The following OPCML variants were observed in gnomAD, a reference collection of about 807,000 sequenced individuals.
OPCML encodes opioid binding protein/cell adhesion molecule like.
A neutral mutation model predicts 37.8 loss-of-function variants in OPCML; 13 were observed. The observed-to-expected ratio is 0.34, with a 90% CI of 0.22 to 0.55. OPCML has a LOEUF of 0.55. Among genes scored for constraint, OPCML ranks in the 20% least tolerant of loss-of-function variants. The probability of loss-of-function intolerance (pLI) is 0.91; values close to 1 mark genes in which losing one functional copy is unlikely to be tolerated. For missense variants in OPCML, 341 were observed against 435.6 expected, an observed-to-expected ratio of 0.78 and a Z score of 1.93; for synonymous variants, 176 against 168.8, an observed-to-expected ratio of 1.04 and a Z score of -0.33.
chr11:133,439,625 G>A (rs1234699653), intron 1 of OPCML, among the ~76,000 whole-genome samples: 4 of 152,014 alleles, frequency 2.6e-5, no homozygotes, highest in East Asian at 1.9e-4. Context: ...CCGCCACCAT[G>A]CCCGGCTAAT....
At chr11:133,061,385 C>T (rs1948338517) in intron 1 of OPCML, among the ~76,000 whole-genome samples, 3 of 152,174 alleles carry the variant, frequency 2.0e-5, no homozygotes, top group Non-Finnish European at 2.9e-5. Context: ...GTTTTGCTTC[C>T]TCACATCTGG....
At chr11:133,468,755 C>A (rs183645681) in intron 1 of OPCML, among the ~76,000 whole-genome samples, 7 of 152,322 alleles carry the variant, frequency 4.6e-5, no homozygotes, top group Admixed American at 4.6e-4. Context: ...ACACTCTGTT[C>A]ATTTCTCCCC....
chr11:132,631,554 G>C (rs887124234), intron 3 of OPCML, among the ~76,000 whole-genome samples: 1 of 151,018 alleles, frequency 6.6e-6, no homozygotes, highest in African/African-American at 2.4e-5. Flanking sequence ...CCGCCTCCCG[G>C]GTTCACGCCA....
At chr11:133,115,541 T>C (rs532042925) in intron 1 of OPCML, among the ~76,000 whole-genome samples, 107 of 152,180 alleles carry the variant, frequency 7.0e-4, no homozygotes, top group Non-Finnish European at 1.2e-3. Context: ...GGCAGAGCTA[T>C]ATAACACTCA....
intron 4 of OPCML, among the ~76,000 whole-genome samples, chr11:132,441,125 T>A (rs1031922470): frequency 2.0e-5 from 3 of 150,986 alleles, no homozygotes; most frequent in African/African-American, 7.3e-5. Flanking sequence ...CTGTGAGCCA[T>A]TGGAAAGATT....
At chr11:133,182,855 C>T (rs1420847552) in intron 1 of OPCML, among the ~76,000 whole-genome samples, 2 of 152,178 alleles carry the variant, frequency 1.3e-5, no homozygotes, top group East Asian at 1.9e-4. Context: ...GTCATAGATG[C>T]CTGTTCTCTC....
intron 1 of OPCML, among the ~76,000 whole-genome samples, chr11:132,982,931 G>A (rs1055107104): frequency 2.0e-5 from 3 of 152,192 alleles, no homozygotes; most frequent in Non-Finnish European, 4.4e-5. Flanking sequence ...AAATCACAGA[G>A]TTGATACTCC....
rs189042493 is a variant in OPCML at position 133,174,721 on chromosome 11, T to C, written c.62-231711A>G. Among the ~76,000 whole-genome samples, 82 of 151,954 alleles carry C rather than the reference T, an allele frequency of 5.4e-4. 4 individuals are homozygous for C. The East Asian group carries it at 7.7e-3, about 14-fold the overall frequency. Reference sequence around the variant, plus strand: ...TTTCTTGTCTCCTGAAAAATAAATTTATGTTTGCCTATCTATATTTTCATC... The same window carrying C: ...TTTCTTGTCTCCTGAAAAATAAATTCATGTTTGCCTATCTATATTTTCATC... On this transcript the variant is annotated intron_variant, in intron 1 of 7. Coordinates refer to ENST00000524381, the MANE Select transcript of OPCML (RefSeq NM_001012393.5). The surrounding 1 kb of genome is among the most constrained non-coding windows in gnomAD (Gnocchi z 4.6).
chr11:133,005,940 T>C (rs1439431383), intron 1 of OPCML: 3 of 985,428 alleles, frequency 3.0e-6, no homozygotes, highest in Non-Finnish European at 3.6e-6. Flanking sequence ...TTTAGGCTCA[T>C]GGATGTGTGC....
At chr11:133,377,612 G>GGAAAAAAAAAAAAA (rs1555148303) in intron 1 of OPCML, among the ~76,000 whole-genome samples, 1 of 79,088 alleles carries the variant, frequency 1.3e-5, no homozygotes, top group Non-Finnish European at 2.3e-5. Context: ...CCAGTATTCA[G>GGAAAAAAAAAAAAA]AAAAAAAAAA....
At chr11:132,842,206 G>A (rs1248590788) in intron 2 of OPCML, among the ~76,000 whole-genome samples, 6 of 152,088 alleles carry the variant, frequency 3.9e-5, no homozygotes, top group South Asian at 2.1e-4. Flanking sequence ...CCCCAACACC[G>A]ATGTAGCCAC....
At chr11:132,590,118 A>G (rs2096481997) in intron 3 of OPCML, among the ~76,000 whole-genome samples, 1 of 152,254 alleles carries the variant, frequency 6.6e-6, no homozygotes, top group East Asian at 1.9e-4. Flanking sequence ...CTGAATTCCT[A>G]TCTTCCTAGT....
chr11:132,482,136 T>G (rs2096182745), intron 4 of OPCML, among the ~76,000 whole-genome samples: 1 of 149,234 alleles, frequency 6.7e-6, no homozygotes, highest in South Asian at 2.1e-4. Flanking sequence ...CAGGAGCTGG[T>G]TTTTTGAAAG....
intron 2 of OPCML, among the ~76,000 whole-genome samples, chr11:132,822,268 C>T (rs766438417): frequency 1.3e-5 from 2 of 152,080 alleles, no homozygotes; most frequent in Non-Finnish European, 2.9e-5. Flanking sequence ...CCTCTCCCAC[C>T]TCCCCCCACC....
chr11:133,226,288 T>C (rs1425983166), intron 1 of OPCML, among the ~76,000 whole-genome samples: 1 of 152,256 alleles, frequency 6.6e-6, no homozygotes, highest in African/African-American at 2.4e-5. Context: ...TTTTGGCTCT[T>C]GCCCTCATGG....
Position 132,613,477 on chromosome 11 carries a change from G to C in OPCML, c.379+43610C>G, listed in dbSNP as rs77249470. Among the ~76,000 whole-genome samples the C allele has an allele frequency of 2.5e-3, 386 of 152,270 alleles. 2 individuals are homozygous for C. Among genetic ancestry groups the C allele is most frequent in the African/African-American group, 8.8e-3 (366 of 41,550 alleles). On this transcript the variant is annotated intron_variant, in intron 3 of 7. Coordinates refer to ENST00000524381, the MANE Select transcript of OPCML (RefSeq NM_001012393.5). ...CAGCTAATTGATTTTATATACCTAA[G>C]CATTCACCTTTAGGAGAATTCCGTG...
At chr11:133,441,896 T>C (rs1022020044) in intron 1 of OPCML, among the ~76,000 whole-genome samples, 9 of 152,162 alleles carry the variant, frequency 5.9e-5, no homozygotes, top group African/African-American at 2.2e-4. Context: ...ACAGAAATTA[T>C]GTTAAAAGGT....
intron 1 of OPCML, among the ~76,000 whole-genome samples, chr11:133,228,956 G>A (rs79770957): frequency 6.6e-6 from 1 of 152,090 alleles, no homozygotes; most frequent in Admixed American, 6.5e-5. Context: ...TAAAACCAAA[G>A]TGTCCCAGTG....
chr11:132,427,743 C>A (rs1292423015), intron 7 of OPCML, among the ~76,000 whole-genome samples: 1 of 152,194 alleles, frequency 6.6e-6, no homozygotes, highest in Non-Finnish European at 1.5e-5. Context: ...CATCAGCACA[C>A]CCTGAACGCT....
Sources: allele counts gnomAD v4.1 joint callset (sites outside exome capture counted in the v4.1 genomes callset), GRCh38; gene constraint gnomAD v4.1.1; non-coding constraint Gnocchi (gnomAD v3.1); transcripts MANE v1.5; gene names NCBI Gene and HGNC (gene_info 2026-07-23, HGNC 2026-07-21).